The following COL6A2 variants were observed in gnomAD, a reference collection of about 807,000 sequenced individuals.
COL6A2 encodes collagen alpha-2(VI) chain.
COL6A2 carries 90 observed loss-of-function variants against 124.9 expected under a neutral mutation model. The ratio of observed to expected loss-of-function variants is 0.72; its 90% CI spans 0.61 to 0.86. The LOEUF is 0.86. COL6A2 is among the 40% of genes least tolerant of loss of function. The pLI is 0.00. For synonymous variants in COL6A2, 793 were observed against 618.2 expected, an observed-to-expected ratio of 1.28 and a Z score of -4.19; for missense variants, 1,607 against 1,502.5, an observed-to-expected ratio of 1.07 and a Z score of -1.15.
rs2078479120 is a variant in COL6A2 at position 46,116,846 on chromosome 21, G to C, written c.999+32G>C. ...GGAGCCTCGGGCTCACAGCTGGACTGGTCTCACAGAGGCATCCCAGCCTCT... is the reference window on the plus strand; with the variant it reads ...GGAGCCTCGGGCTCACAGCTGGACTCGTCTCACAGAGGCATCCCAGCCTCT... On this transcript the variant is annotated intron_variant, in intron 10 of 27. Coordinates refer to ENST00000300527, the MANE Select transcript of COL6A2 (RefSeq NM_001849.4). The surrounding 1 kb of genome is among the most constrained non-coding windows in gnomAD (Gnocchi z 4.6). 1 of 1,612,126 alleles carries C rather than the reference G, an allele frequency of 6.2e-7. No homozygotes were observed. The highest frequency in any genetic ancestry group is 1.3e-5 in the African/African-American group (1 of 74,948).
intron 13 of COL6A2, 133 bp from the exon 14 acceptor site, chr21:46,118,897 G>T: frequency 1.1e-6 from 1 of 949,514 alleles, no homozygotes; most frequent in African/African-American, 1.6e-5. Flanking sequence ...AGGGGACCCT[G>T]CAGGGCCCCC....
intron 27 of COL6A2, chr21:46,129,441 G>T (rs765099811): frequency 5.0e-5 from 80 of 1,605,778 alleles, no homozygotes; most frequent in Admixed American, 2.2e-4. Context: ...CTTTAAGCTG[G>T]TGCACAGGGA....
chr21:46,106,235 T>C (rs2078334355), intron 1 of COL6A2, among the ~76,000 whole-genome samples: 1 of 152,254 alleles, frequency 6.6e-6, no homozygotes, highest in Non-Finnish European at 1.5e-5. Flanking sequence ...ATTTATATCT[T>C]ACACTGGGAA....
At position 46,126,496 on chromosome 21, in the gene COL6A2, CTTCCAGACCCTCAGATCGTGT is replaced by C; in HGVS notation, c.2423-6_2437del. The C allele has an allele frequency of 6.2e-7, 1 of 1,613,314 alleles. No individual in the cohort carries two copies. The highest frequency in any genetic ancestry group is 1.3e-5 in the African/African-American group (1 of 75,048). On this transcript the variant is annotated splice_acceptor_variant and splice_polypyrimidine_tract_variant and coding_sequence_variant and intron_variant, in exon 27 of 28. Coordinates refer to ENST00000300527, the MANE Select transcript of COL6A2 (RefSeq NM_001849.4). LOFTEE classifies it high-confidence loss of function. ...TGGCCTGGCCCGGCCTCTCTCCTCTCTTCCAGACCCTCAGATCGTGTGCCCAGACCTTCCCTGCCAAACAGG... is the reference window on the plus strand; with the variant it reads ...TGGCCTGGCCCGGCCTCTCTCCTCTCGCCCAGACCTTCCCTGCCAAACAGG...
At position 46,126,165 on chromosome 21, in the gene COL6A2, C is replaced by T. The variant is rs565801105; in HGVS notation, c.2350C>T (p.Arg784Cys). 13 of 1,608,966 alleles carry T rather than the reference C, an allele frequency of 8.1e-6. No individual in the cohort carries two copies. The highest frequency in any genetic ancestry group is 4.5e-5 in the East Asian group (2 of 44,864). Residue 784 changes from arginine (R) to cysteine (C), a missense_variant, in exon 26 of 28, where the codon CGC (arginine) becomes TGC (cysteine). Transcript: ENST00000300527. ...SIACDKPQQVRNMTLFSDLVA... is the reference protein window; with the variant it reads ...SIACDKPQQVCNMTLFSDLVA... ...CGCCTGCGACAAGCCACAGCAGGTG[C>T]GCAACATGACGCTGTTCTCCGACCT...
intron 27 of COL6A2, among the ~76,000 whole-genome samples, chr21:46,130,982 C>T (rs1203305479): frequency 6.6e-6 from 1 of 152,240 alleles, no homozygotes; most frequent in Non-Finnish European, 1.5e-5. Flanking sequence ...TTGCTCACTG[C>T]CTGCGGGGCT....
At chr21:46,120,664 T>C in intron 16 of COL6A2, 87 bp downstream of exon 16, 1 of 1,268,756 alleles carries the variant, frequency 7.9e-7, no homozygotes, top group Non-Finnish European at 1.1e-6. Flanking sequence ...TGGCCGGGAC[T>C]GCACCCCAAG....
chr21:46,111,342 G>C lies in COL6A2; in HGVS notation c.-27-108G>C, dbSNP rs77745490. 0.019 allele frequency: 12,685 copies of C among 650,608 alleles called. 194 individuals are homozygous for C. The highest frequency in any genetic ancestry group is 0.029 in the Non-Finnish European group (10,482 of 359,150). 40.3% of individuals were successfully genotyped at this position (650,608 alleles called of 1,614,324 possible). The stretch of plus-strand genomic sequence containing the variant: ...CAGACCCCGCTTCCTTGAAGACTGA[G>C]GGCAGTGCCCCCAATCCCGCTGACC... On this transcript the variant is annotated intron_variant, in intron 1 of 27. Transcript: ENST00000300527.
intron 27 of COL6A2, among the ~76,000 whole-genome samples, 180 bp downstream of exon 27, chr21:46,126,721 G>A (rs1057251532): frequency 3.3e-5 from 5 of 152,172 alleles, no homozygotes; most frequent in African/African-American, 1.2e-4. Flanking sequence ...GGAGGGGCTT[G>A]GGGAAGGCAG....
chr21:46,116,902 A>T lies in COL6A2; in HGVS notation c.999+88A>T. On this transcript the variant is annotated intron_variant, in intron 10 of 27. Coordinates refer to ENST00000300527, the MANE Select transcript of COL6A2 (RefSeq NM_001849.4). The surrounding 1 kb of genome is among the most constrained non-coding windows in gnomAD (Gnocchi z 4.6). ...GCCCCCAGATCCAGCCTGATCTGTC[A>T]GCTTACACATGTGTACACACGCATA... 7.6e-7 allele frequency: 1 copy of T among 1,311,488 alleles called. No individual in the cohort carries two copies. The highest frequency in any genetic ancestry group is 1.8e-5 in the Admixed American group (1 of 56,998). The allele number at this position is 1,311,488 out of a possible 1,614,324, so 81.2% of individuals were successfully genotyped here.
In COL6A2 at chr21:46,118,130, G is replaced by A. The variant is rs528699217; in HGVS notation, c.1116+194G>A. 9.2e-5 allele frequency among the ~76,000 whole-genome samples: 14 copies of A among 152,212 alleles called. No individual in the cohort carries two copies. In the South Asian group the frequency reaches 1.7e-3, roughly 18 times the overall value. ...ATCAGCTTCTAACCAGGGCTTGGGC[G>A]GCCCCGCCGCTGCTCACCGAGGCCT... On this transcript the variant is annotated intron_variant, in intron 12 of 27. Coordinates refer to ENST00000300527, the MANE Select transcript of COL6A2 (RefSeq NM_001849.4).
At chr21:46,123,288 ATCCCCTCCAGAG>A (rs1474912672) in intron 21 of COL6A2, among the ~76,000 whole-genome samples, 11 of 116,926 alleles carry the variant, frequency 9.4e-5, no homozygotes, top group African/African-American at 2.8e-4. Context: ...CCAACATAGC[ATCCCCTCCAGAG>A]TCCCCTCCCC....
chr21:46,123,537 AAATGGATG>A (rs2078600624), intron 21 of COL6A2, among the ~76,000 whole-genome samples: 1 of 151,714 alleles, frequency 6.6e-6, no homozygotes, highest in African/African-American at 2.4e-5. Context: ...GGGGGTGGGC[AAATGGATG>A]GATGGGAGGA....
At chr21:46,130,037 T>A (rs550796380) in intron 27 of COL6A2, among the ~76,000 whole-genome samples, 1 of 152,124 alleles carries the variant, frequency 6.6e-6, no homozygotes, top group Non-Finnish European at 1.5e-5. Flanking sequence ...TGGGCACTAA[T>A]CCCGTGCATG....
chr21:46,132,228 C>T lies in COL6A2; in HGVS notation c.2736C>T (p.Asn912=). 1.3e-6 allele frequency: 2 copies of T among 1,597,876 alleles called. No individual in the cohort carries two copies. Among genetic ancestry groups the T allele is most frequent in the South Asian group, 2.2e-5 (2 of 89,328 alleles). ...CGCTGGAGACCACACAATACCTGAA[C>T]TCCTTCTCGCACGTGGGCGCAGGCG... is the stretch of plus-strand genomic sequence containing the variant. ...HEALETTQYL[N]SFSHVGAGVV... The change falls in exon 28 of 28, where the codon AAC becomes AAT. Residue 912 remains asparagine (N), a synonymous_variant. Transcript: ENST00000300527.
At position 46,129,179 on chromosome 21, in the gene COL6A2, T is replaced by C; in HGVS notation, c.2461+2638T>C. 1.9e-6 allele frequency: 3 copies of C among 1,612,828 alleles called. No individual in the cohort carries two copies. The East Asian group carries it at 6.7e-5, about 36-fold the overall frequency. ...CCACCGCAGGCCTTACAGTCTTCTC[T>C]GGACGCTCCCTTGCAGATGCACCGT... On this transcript the variant is annotated intron_variant, in intron 27 of 27. Coordinates refer to ENST00000300527, the MANE Select transcript of COL6A2 (RefSeq NM_001849.4).
intron 1 of COL6A2, among the ~76,000 whole-genome samples, chr21:46,104,617 T>C (rs768121800): frequency 6.6e-6 from 1 of 152,102 alleles, no homozygotes; most frequent in African/African-American, 2.4e-5. Flanking sequence ...AGAGAGACTA[T>C]TTGAAGAAAT....
intron 4 of COL6A2, chr21:46,113,052 C>A: frequency 1.6e-6 from 1 of 619,242 alleles, no homozygotes; most frequent in South Asian, 1.9e-5. Context: ...CCACAGAGCA[C>A]GTGTTACAAG....
chr21:46,118,020 A>G (rs1408080104), intron 12 of COL6A2, 84 bp downstream of exon 12: 1 of 1,330,444 alleles, frequency 7.5e-7, no homozygotes, highest in African/African-American at 1.4e-5. Context: ...TGAGAAGCTG[A>G]GCAGAGAGGG....
Sources: gnomAD v4.1 joint callset for allele counts (sites outside exome capture counted in the v4.1 genomes callset) on GRCh38, gnomAD v4.1.1 for gene constraint, Gnocchi (gnomAD v3.1) non-coding constraint, MANE v1.5 for transcripts, NCBI Gene and HGNC (gene_info 2026-07-23, HGNC 2026-07-21) for gene names.